NKAIN3: variants seen among roughly 807,000 people sequenced by gnomAD.
The protein encoded by NKAIN3 is sodium/potassium-transporting ATPase subunit beta-1-interacting protein 3.
A neutral mutation model predicts 30.2 loss-of-function variants in NKAIN3; 25 were observed. The observed-to-expected ratio is 0.83, with a 90% CI of 0.60 to 1.16. The LOEUF (loss-of-function observed/expected upper bound fraction) is 1.16, where lower values mean the gene tolerates loss of function less well. NKAIN3 is among the 50% of genes most tolerant of loss of function. The pLI is 0.00. For missense variants in NKAIN3, 225 were observed against 254.1 expected (o/e 0.89, Z 0.78); for synonymous variants, 91 against 89.6 (o/e 1.02, Z -0.09).
chr8:62,580,622 TTC>T (rs1020856097), intron 2 of NKAIN3, among the ~76,000 whole-genome samples: 1 of 152,188 alleles, frequency 6.6e-6, no homozygotes, highest in Admixed American at 6.5e-5. Context: ...GTTATAATTT[TTC>T]TCTGTTAATC....
chr8:62,819,151 A>G (rs1818776770), intron 4 of NKAIN3, among the ~76,000 whole-genome samples: 1 of 98,084 alleles, frequency 1.0e-5, no homozygotes, highest in African/African-American at 3.6e-5. Context: ...ATATATATAT[A>G]CATATATATA....
intron 1 of NKAIN3, among the ~76,000 whole-genome samples, chr8:62,293,307 G>A (rs931756283): frequency 6.6e-6 from 1 of 152,202 alleles, no homozygotes; most frequent in Non-Finnish European, 1.5e-5. Flanking sequence ...GAGGAGAAGA[G>A]GCGCTCTGAT....
At chr8:62,866,139 G>A (rs188326499) in intron 4 of NKAIN3, among the ~76,000 whole-genome samples, 1 of 152,138 alleles carries the variant, frequency 6.6e-6, no homozygotes, top group Non-Finnish European at 1.5e-5. Context: ...AAATGTAAAG[G>A]CTTAGTACCA....
At chr8:62,919,436 G>T (rs1463792336) in intron 5 of NKAIN3, among the ~76,000 whole-genome samples, 1 of 151,262 alleles carries the variant, frequency 6.6e-6, no homozygotes, top group Non-Finnish European at 1.5e-5. Flanking sequence ...TAGTAGAGAA[G>T]GGGTTTCACC....
chr8:62,537,385 T>C (rs1808697627), intron 1 of NKAIN3, among the ~76,000 whole-genome samples: 1 of 152,164 alleles, frequency 6.6e-6, no homozygotes, highest in Admixed American at 6.5e-5. Flanking sequence ...ATAATATTCT[T>C]TCTACTTAAG....
intron 1 of NKAIN3, among the ~76,000 whole-genome samples, chr8:62,295,573 T>G (rs1813798574): frequency 6.6e-6 from 1 of 152,180 alleles, no homozygotes; most frequent in Admixed American, 6.6e-5. Context: ...TGAGGCTTAT[T>G]TATATATATG....
intron 1 of NKAIN3, among the ~76,000 whole-genome samples, chr8:62,300,996 A>G (rs1415381175): frequency 6.6e-6 from 1 of 152,148 alleles, no homozygotes; most frequent in Non-Finnish European, 1.5e-5. Context: ...GAAATTGTAT[A>G]GAACTATGAA....
intron 1 of NKAIN3, among the ~76,000 whole-genome samples, chr8:62,557,303 G>A (rs1272181355): frequency 1.3e-5 from 2 of 151,984 alleles, no homozygotes; most frequent in Non-Finnish European, 2.9e-5. Context: ...TTCACTTGTT[G>A]GTTGATGGGC....
chr8:62,535,274 C>G (rs1808621675), intron 1 of NKAIN3, among the ~76,000 whole-genome samples: 1 of 152,300 alleles, frequency 6.6e-6, no homozygotes, highest in South Asian at 2.1e-4. Context: ...TATTCTCACA[C>G]TAAAGCAATC....
intron 4 of NKAIN3, among the ~76,000 whole-genome samples, chr8:62,791,974 A>G (rs980673869): frequency 6.6e-6 from 1 of 152,132 alleles, no homozygotes; most frequent in African/African-American, 2.4e-5. Flanking sequence ...TTGTGAGATA[A>G]TTACACTATC....
chr8:62,508,864 AGTCAGG>A (rs1807727099), intron 1 of NKAIN3, among the ~76,000 whole-genome samples: 1 of 152,218 alleles, frequency 6.6e-6, no homozygotes, highest in African/African-American at 2.4e-5. Context: ...ATTTTCACGA[AGTCAGG>A]GTACCCATAT....
intron 4 of NKAIN3, among the ~76,000 whole-genome samples, chr8:62,899,675 T>C (rs1821541239): frequency 6.6e-6 from 1 of 152,168 alleles, no homozygotes; most frequent in African/African-American, 2.4e-5. Flanking sequence ...TAGTATTTGA[T>C]AGCATAACAG....
At chr8:62,363,965 A>G (rs1816644976) in intron 1 of NKAIN3, among the ~76,000 whole-genome samples, 1 of 152,248 alleles carries the variant, frequency 6.6e-6, no homozygotes, top group African/African-American at 2.4e-5. Context: ...AATAATTTCA[A>G]AAACGATGTG....
chr8:62,681,475 AT>A (rs1487173998), intron 3 of NKAIN3, among the ~76,000 whole-genome samples: 2 of 152,222 alleles, frequency 1.3e-5, no homozygotes, highest in East Asian at 3.9e-4. Flanking sequence ...TTCAAATTTA[AT>A]TTCCTTATTT....
intron 6 of NKAIN3, among the ~76,000 whole-genome samples, chr8:62,962,567 T>C (rs1823598395): frequency 6.6e-6 from 1 of 152,174 alleles, no homozygotes; most frequent in Admixed American, 6.5e-5. Flanking sequence ...TTGCAGTGGG[T>C]CTGTGCCACT....
intron 4 of NKAIN3, among the ~76,000 whole-genome samples, chr8:62,860,114 T>C (rs1312504727): frequency 6.6e-6 from 1 of 152,202 alleles, no homozygotes; most frequent in East Asian, 1.9e-4. Context: ...ACCAATCTGC[T>C]TAAATGCTGA....
chr8:62,603,158 T>C (rs1280253295), intron 3 of NKAIN3, among the ~76,000 whole-genome samples: 2 of 152,164 alleles, frequency 1.3e-5, no homozygotes, highest in African/African-American at 2.4e-5. Flanking sequence ...ATTTGGATTT[T>C]CTTGTGATGT....
intron 3 of NKAIN3, among the ~76,000 whole-genome samples, chr8:62,665,125 T>G (rs1031620630): frequency 6.6e-6 from 1 of 152,158 alleles, no homozygotes; most frequent in South Asian, 2.1e-4. Context: ...GAATCTCCAT[T>G]TTAACAAGAA....
chr8:62,722,099 A>T (rs1263545360), intron 3 of NKAIN3, among the ~76,000 whole-genome samples: 1 of 152,226 alleles, frequency 6.6e-6, no homozygotes, highest in Non-Finnish European at 1.5e-5. Flanking sequence ...AAGATTAGCC[A>T]CTATCAGTAA....
Sources: allele counts gnomAD v4.1 joint callset (sites outside exome capture counted in the v4.1 genomes callset), GRCh38; gene constraint gnomAD v4.1.1; transcripts MANE v1.5; gene names NCBI Gene and HGNC (gene_info 2026-07-23, HGNC 2026-07-21).